COL9A2: variants seen among roughly 807,000 people sequenced by gnomAD.
COL9A2 encodes the protein collagen type IX alpha 2 chain.
A neutral mutation model predicts 111.6 loss-of-function variants in COL9A2; 66 were observed. The ratio of observed to expected loss-of-function variants is 0.59; its 90% CI spans 0.48 to 0.73. COL9A2 has a LOEUF of 0.73. Ranked by LOEUF, COL9A2 falls within the 30% of genes least tolerant of loss-of-function variation. The probability of loss-of-function intolerance (pLI) is 0.00; values close to 1 mark genes in which losing one functional copy is unlikely to be tolerated. For missense variants in COL9A2, 881 were observed against 954.1 expected (o/e 0.92, Z 1.01); for synonymous variants, 353 against 364.1 (o/e 0.97, Z 0.35).
chr1:40,309,794 C>T, intron 16 of COL9A2, 144 bp downstream of exon 16: 1 of 826,258 alleles, frequency 1.2e-6, no homozygotes, highest in South Asian at 1.4e-5. Context: ...TCTACACACA[C>T]ACACACTACA....
Position 40,310,705 on chromosome 1 carries a change from G to A in COL9A2, c.684+9C>T. Reference sequence around the variant, plus strand: ...GAGAAGAGGGCCACTGAGGCAAGGTGTTCCTTACCGGTGGTCCAGGGATGC... The same window carrying A: ...GAGAAGAGGGCCACTGAGGCAAGGTATTCCTTACCGGTGGTCCAGGGATGC... On this transcript the variant is annotated intron_variant, in intron 13 of 31. Coordinates refer to ENST00000372748, the MANE Select transcript of COL9A2 (RefSeq NM_001852.4). This position sits in a 1 kb window ranked among gnomAD's most constrained non-coding sequence, Gnocchi z 4.9. 6.4e-7 allele frequency: 1 copy of A among 1,566,292 alleles called. No individual in the cohort carries two copies. Among genetic ancestry groups the A allele is most frequent in the Non-Finnish European group, 8.7e-7 (1 of 1,154,490 alleles).
At position 40,309,830 on chromosome 1, in the gene COL9A2, C is replaced by T. The variant is rs576245657; in HGVS notation, c.846+108G>A. 4.7e-6 allele frequency: 5 copies of T among 1,064,434 alleles called. No individual in the cohort carries two copies. The East Asian group carries it at 1.2e-4, about 25-fold the overall frequency. The allele number at this position is 1,064,434 out of a possible 1,614,324, so 65.9% of individuals were successfully genotyped here. ...CACTCACACACACTACACATTCACA[C>T]TCACGCACACACTCATGCACTCTCA... On this transcript the variant is annotated intron_variant, in intron 16 of 31. Coordinates refer to ENST00000372748, the MANE Select transcript of COL9A2 (RefSeq NM_001852.4).
chr1:40,301,231 G>T lies in COL9A2; in HGVS notation c.2021C>A (p.Ala674Asp). 1 of 1,614,098 alleles carries T rather than the reference G, an allele frequency of 6.2e-7. No individual in the cohort carries two copies. Among genetic ancestry groups the T allele is most frequent in the Non-Finnish European group, 8.5e-7 (1 of 1,180,016 alleles). ...CTCTGTAAGGCGGGCAGAGGCATAG[G>T]CCGAAGCTCCAAGGCAGGCGGCAGG... is the stretch of plus-strand genomic sequence containing the variant. ...CEPAACLGASAYASARLTEPG... is the reference protein window; with the variant it reads ...CEPAACLGASDYASARLTEPG... Residue 674 changes from alanine (A) to aspartate (D), a missense_variant, in exon 32 of 32, where the codon GCC becomes GAC. Transcript: ENST00000372748.
chr1:40,311,807 A>G lies in COL9A2; in HGVS notation c.418-92T>C, dbSNP rs927191474. 139 of 1,309,102 alleles carry G rather than the reference A, an allele frequency of 1.1e-4. No homozygotes were observed. In the East Asian group the frequency reaches 3.2e-3, roughly 30 times the overall value. 81.1% of individuals were successfully genotyped at this position (1,309,102 alleles called of 1,614,324 possible). ...TCCAGGTCCTGCCTCTGCCCTCTCC[A>G]CCCTGTCTTCCCGGTCACTTTGTGA... On this transcript the variant is annotated intron_variant, in intron 8 of 31. Coordinates refer to ENST00000372748, the MANE Select transcript of COL9A2 (RefSeq NM_001852.4). The surrounding 1 kb of genome is among the most constrained non-coding windows in gnomAD (Gnocchi z 5.1).
chr1:40,310,580 C>G lies in COL9A2; in HGVS notation c.684+134G>C. ...CATTCCTGACAATTTCAGCCTCCAT[C>G]TCCCCATCCAGAGATGCTCCCAGCT... On this transcript the variant is annotated intron_variant, in intron 13 of 31. Transcript: ENST00000372748. The surrounding 1 kb of genome is among the most constrained non-coding windows in gnomAD (Gnocchi z 4.9). 1 of 926,290 alleles carries G rather than the reference C, an allele frequency of 1.1e-6. No individual in the cohort carries two copies. The highest frequency in any genetic ancestry group is 2.6e-5 in the East Asian group (1 of 38,098). 57.4% of individuals were successfully genotyped at this position (926,290 alleles called of 1,614,324 possible).
At chr1:40,315,735 C>T in intron 1 of COL9A2, 71 bp from the exon 2 acceptor site, 2 of 1,151,896 alleles carry the variant, frequency 1.7e-6, no homozygotes, top group Non-Finnish European at 1.2e-6. Flanking sequence ...GGGCTGCAAG[C>T]GACCCTGGGA....
In COL9A2 at chr1:40,311,059, T is replaced by C. The variant is rs1467717139; in HGVS notation, c.630+34A>G. 6.2e-7 allele frequency: 1 copy of C among 1,612,784 alleles called. No homozygotes were observed. Among genetic ancestry groups the C allele is most frequent in the South Asian group, 1.1e-5 (1 of 91,036 alleles). On this transcript the variant is annotated intron_variant, in intron 12 of 31. Transcript: ENST00000372748. The surrounding 1 kb of genome is among the most constrained non-coding windows in gnomAD (Gnocchi z 5.1). ...AGCCCTGTAGGACCATCTCCACGTA[T>C]CCCTGACCCACAGCCCTCAGCCCTT...
chr1:40,310,017 C>T lies in COL9A2; in HGVS notation c.793-26G>A, dbSNP rs1644094457. Reference sequence around the variant, plus strand: ...CTGGCAAGAAAGACAAGCAGGAATCCAGGTCACACAGGCTCAGGGGGAGCC... The same window carrying T: ...CTGGCAAGAAAGACAAGCAGGAATCTAGGTCACACAGGCTCAGGGGGAGCC... On this transcript the variant is annotated intron_variant, in intron 15 of 31. Coordinates refer to ENST00000372748, the MANE Select transcript of COL9A2 (RefSeq NM_001852.4). The surrounding 1 kb of genome is among the most constrained non-coding windows in gnomAD (Gnocchi z 4.9). 6.2e-7 allele frequency: 1 copy of T among 1,614,018 alleles called. No individual in the cohort carries two copies. Among genetic ancestry groups the T allele is most frequent in the East Asian group, 2.2e-5 (1 of 44,888 alleles).
In COL9A2 at chr1:40,317,052, C is replaced by A. The variant is rs1644230428; in HGVS notation, c.75+71G>T. The A allele has an allele frequency of 1.4e-6, 2 of 1,443,102 alleles. No individual in the cohort carries two copies. Among genetic ancestry groups the A allele is most frequent in the Non-Finnish European group, 1.9e-6 (2 of 1,048,370 alleles). 89.4% of individuals were successfully genotyped at this position (1,443,102 alleles called of 1,614,324 possible). ...GGTGTCAGTAGGCGCGGGACACAGG[C>A]AGAGCTCCTCCATCCCGGACTCCAG... is the stretch of plus-strand genomic sequence containing the variant. On this transcript the variant is annotated intron_variant, in intron 1 of 31. Coordinates refer to ENST00000372748, the MANE Select transcript of COL9A2 (RefSeq NM_001852.4). This position sits in a 1 kb window ranked among gnomAD's most constrained non-coding sequence, Gnocchi z 4.3.
In COL9A2 at chr1:40,307,757, C is replaced by T; in HGVS notation, c.901-1G>A. On this transcript the variant is annotated splice_acceptor_variant, in intron 17 of 31. Transcript: ENST00000372748. LOFTEE classifies it high-confidence loss of function. This position sits in a 1 kb window ranked among gnomAD's most constrained non-coding sequence, Gnocchi z 4.8. The stretch of plus-strand genomic sequence containing the variant: ...CCTTGCCGTTGATGCCTGGGGGGCC[C>T]TACCCAGGAGGAAAGTTCAAGGGAG... 1 of 1,614,122 alleles carries T rather than the reference C, an allele frequency of 6.2e-7. No homozygotes were observed. Among genetic ancestry groups the T allele is most frequent in the Non-Finnish European group, 8.5e-7 (1 of 1,179,994 alleles).
Position 40,302,784 on chromosome 1 carries a change from A to G in COL9A2, c.1629T>C (p.Ser543=). 2 of 1,419,156 alleles carry G rather than the reference A, an allele frequency of 1.4e-6. No individual in the cohort carries two copies. The highest frequency in any genetic ancestry group is 1.9e-6 in the Non-Finnish European group (2 of 1,067,368). 87.9% of individuals were successfully genotyped at this position (1,419,156 alleles called of 1,614,324 possible). ...LQEQLAEVAV[S]AKREALGAVG... is the part of the protein sequence containing the mutation. ...CCGCACCCAGGGCTTCCCGCTTGGC[A>G]CTCACGGCGACCTCTGCCAGTTGCT... Residue 543 remains serine (S), a synonymous_variant, in exon 30 of 32, where the codon AGT becomes AGC. Coordinates refer to ENST00000372748, the MANE Select transcript of COL9A2 (RefSeq NM_001852.4). This position sits in a 1 kb window ranked among gnomAD's most constrained non-coding sequence, Gnocchi z 4.5.
In COL9A2 at chr1:40,301,883, C is replaced by A. The variant is rs775570119; in HGVS notation, c.1799G>T (p.Arg600Leu). 1 of 1,613,916 alleles carries A rather than the reference C, an allele frequency of 6.2e-7. No homozygotes were observed. Among genetic ancestry groups the A allele is most frequent in the Middle Eastern group, 1.6e-4 (1 of 6,062 alleles). Residue 600 changes from arginine to leucine, a missense_variant, in exon 31 of 32, where the codon CGT becomes CTT. By Grantham distance (102) the Arg-to-Leu change is moderately radical (BLOSUM62 -2). Transcript: ENST00000372748. ...TTCTCCTGGATCACCCTTCTCTCCACGTTTTCCTGTAGACAAAAAAGGAAA... is the reference window on the plus strand; with the variant it reads ...TTCTCCTGGATCACCCTTCTCTCCAAGTTTTCCTGTAGACAAAAAAGGAAA... The part of the protein sequence containing the change: ...QIGNTGPKGK[R>L]GEKGDPGEVG...
Position 40,311,081 on chromosome 1 carries a change from C to T in COL9A2, c.630+12G>A, listed in dbSNP as rs746966588. On this transcript the variant is annotated intron_variant, in intron 12 of 31. Transcript: ENST00000372748. The surrounding 1 kb of genome is among the most constrained non-coding windows in gnomAD (Gnocchi z 5.1). ...GTATCCCTGACCCACAGCCCTCAGCCCTTGCACTCACCGGCTTCCCCTGGT... is the reference window on the plus strand; with the variant it reads ...GTATCCCTGACCCACAGCCCTCAGCTCTTGCACTCACCGGCTTCCCCTGGT... 4 of 1,613,988 alleles carry T rather than the reference C, an allele frequency of 2.5e-6. No individual in the cohort carries two copies. Among genetic ancestry groups the T allele is most frequent in the East Asian group, 4.5e-5 (2 of 44,866 alleles).
chr1:40,310,774 G>C lies in COL9A2; in HGVS notation c.631-7C>G, dbSNP rs559952638. ...CCACATCTCCCTTGGGACCCTAAAG[G>C]GCAGGGATGAGCTGTCAGACAGGCA... On this transcript the variant is annotated splice_polypyrimidine_tract_variant and splice_region_variant and intron_variant, in intron 12 of 31. Transcript: ENST00000372748. This position sits in a 1 kb window ranked among gnomAD's most constrained non-coding sequence, Gnocchi z 4.9. 2.6e-6 allele frequency: 4 copies of C among 1,559,966 alleles called. No individual in the cohort carries two copies. Among genetic ancestry groups the C allele is most frequent in the Non-Finnish European group, 2.6e-6 (3 of 1,151,320 alleles).
chr1:40,313,506 G>A (rs1644164731), intron 4 of COL9A2, among the ~76,000 whole-genome samples: 1 of 152,152 alleles, frequency 6.6e-6, no homozygotes, highest in African/African-American at 2.4e-5. Context: ...TCTCATCTGG[G>A]TGCCTCTCTG....
rs1644104742 is a variant in COL9A2, at chr1:40,310,390, T to G, written c.685-73A>C. 4 of 1,477,518 alleles carry G rather than the reference T, an allele frequency of 2.7e-6. No individual in the cohort carries two copies. Among genetic ancestry groups the G allele is most frequent in the Admixed American group, 1.7e-5 (1 of 59,620 alleles). 91.5% of individuals were successfully genotyped at this position (1,477,518 alleles called of 1,614,324 possible). On this transcript the variant is annotated intron_variant, in intron 13 of 31. Transcript: ENST00000372748. The surrounding 1 kb of genome is among the most constrained non-coding windows in gnomAD (Gnocchi z 4.9). ...CATGATACCTTGTCTGATGCCCACC[T>G]TCAATCTTACAGTGCCCTTTTGAGG... is the stretch of plus-strand genomic sequence containing the variant.
chr1:40,314,528 T>TG lies in COL9A2; in HGVS notation c.151-142dup. The TG allele has an allele frequency of 2.0e-6, 2 of 1,012,414 alleles. No individual in the cohort carries two copies. The highest frequency in any genetic ancestry group is 2.7e-5 in the South Asian group (2 of 75,440). 62.7% of individuals were successfully genotyped at this position (1,012,414 alleles called of 1,614,324 possible). A position where few individuals can be genotyped will look rare whatever the true frequency, so the allele number is the denominator to read the frequency against. On this transcript the variant is annotated intron_variant, in intron 2 of 31. Coordinates refer to ENST00000372748, the MANE Select transcript of COL9A2 (RefSeq NM_001852.4). The surrounding 1 kb of genome is among the most constrained non-coding windows in gnomAD (Gnocchi z 4.1). Reference sequence around the variant, plus strand: ...CAGGTCCCCTAAGCCTTGCAATCTTTGGGAAAAGAGCCCCCTTTTCCTCAA... The same window carrying TG: ...CAGGTCCCCTAAGCCTTGCAATCTTTGGGGAAAAGAGCCCCCTTTTCCTCAA...
Position 40,312,847 on chromosome 1 carries a change from G to A in COL9A2, c.250-63C>T. ...ACCTGCTCCCTGACCCACAGAGCAGGGCAGGTTCAAGGGTCCCTCCTGGGT... is the reference window on the plus strand; with the variant it reads ...ACCTGCTCCCTGACCCACAGAGCAGAGCAGGTTCAAGGGTCCCTCCTGGGT... On this transcript the variant is annotated intron_variant, in intron 4 of 31. Coordinates refer to ENST00000372748, the MANE Select transcript of COL9A2 (RefSeq NM_001852.4). This position sits in a 1 kb window ranked among gnomAD's most constrained non-coding sequence, Gnocchi z 6.0. 6 of 1,486,148 alleles carry A rather than the reference G, an allele frequency of 4.0e-6. No individual in the cohort carries two copies. 92.1% of individuals were successfully genotyped at this position (1,486,148 alleles called of 1,614,324 possible).
chr1:40,312,810 C>T lies in COL9A2; in HGVS notation c.250-26G>A, dbSNP rs780097176. The stretch of plus-strand genomic sequence containing the variant: ...CTGGGGAAGAATGAAAATGTAGGAT[C>T]AATGAGGGCCAACCTGCTCCCTGAC... On this transcript the variant is annotated intron_variant, in intron 4 of 31. Coordinates refer to ENST00000372748, the MANE Select transcript of COL9A2 (RefSeq NM_001852.4). This position sits in a 1 kb window ranked among gnomAD's most constrained non-coding sequence, Gnocchi z 6.0. 7.6e-5 allele frequency: 117 copies of T among 1,546,660 alleles called. No individual in the cohort carries two copies. The highest frequency in any genetic ancestry group is 9.5e-5 in the Non-Finnish European group (109 of 1,143,978).
Sources: allele counts gnomAD v4.1 joint callset (sites outside exome capture counted in the v4.1 genomes callset), GRCh38; gene constraint gnomAD v4.1.1; non-coding constraint Gnocchi (gnomAD v3.1); transcripts MANE v1.5; gene names NCBI Gene and HGNC (gene_info 2026-07-23, HGNC 2026-07-21).